Variants in ADAMTS12 observed in about 807,000 individuals in gnomAD.
ADAMTS12 encodes A disintegrin and metalloproteinase with thrombospondin motifs 12.
A neutral mutation model predicts 167.8 loss-of-function variants in ADAMTS12; 118 were observed. The ratio of observed to expected loss-of-function variants is 0.70; its 90% confidence interval spans 0.61 to 0.82. The LOEUF is 0.82. Ranked by LOEUF, ADAMTS12 falls within the 40% of genes least tolerant of loss-of-function variation. The pLI is 0.00. For synonymous variants in ADAMTS12, 704 were observed against 716.9 expected, an observed-to-expected ratio of 0.98 and a Z score of 0.29; for missense variants, 1,916 against 1,998.8, an observed-to-expected ratio of 0.96 and a Z score of 0.79.
chr5:33,730,120 A>G (rs1382659886), intron 3 of ADAMTS12, among the ~76,000 whole-genome samples: 3 of 152,162 alleles, frequency 2.0e-5, no homozygotes, highest in African/African-American at 7.2e-5. Flanking sequence ...TAGAAAGGAG[A>G]CCCACATTGT....
At chr5:33,547,029 A>G (rs1012132001) in intron 21 of ADAMTS12, among the ~76,000 whole-genome samples, 3 of 152,198 alleles carry the variant, frequency 2.0e-5, no homozygotes, top group African/African-American at 4.8e-5. Flanking sequence ...TCTGCTCAAT[A>G]AAAGAACTAA....
rs1020821121 is a variant in ADAMTS12 at position 33,684,703 on chromosome 5, T to A, written c.635-648A>T. ...AAGGCACAAAAAGAGGTGGAAAAGA[T>A]CCAAAGGACAGCAAAACTATCAAGG... On this transcript the variant is annotated intron_variant, in intron 3 of 23. Transcript: ENST00000504830. 2.5e-4 allele frequency among the ~76,000 whole-genome samples: 38 copies of A among 152,212 alleles called. 1 individual carries two copies. The highest frequency in any genetic ancestry group is 8.9e-4 in the African/African-American group (37 of 41,534).
chr5:33,701,083 T>G (rs1742984070), intron 3 of ADAMTS12, among the ~76,000 whole-genome samples: 1 of 152,010 alleles, frequency 6.6e-6, no homozygotes, highest in Non-Finnish European at 1.5e-5. Context: ...AAAGAGGAAG[T>G]GTCCATGACA....
intron 1 of ADAMTS12, among the ~76,000 whole-genome samples, chr5:33,885,708 C>A (rs1750611089): frequency 6.6e-6 from 1 of 152,188 alleles, no homozygotes; most frequent in South Asian, 2.1e-4. Context: ...TGGCTGCATC[C>A]TGAGGGAAGA....
chr5:33,613,991 G>T (rs1738859675), intron 16 of ADAMTS12, among the ~76,000 whole-genome samples: 2 of 152,162 alleles, frequency 1.3e-5, no homozygotes, highest in African/African-American at 2.4e-5. Context: ...TCAAACAAAG[G>T]TTTTACTGAA....
intron 14 of ADAMTS12, among the ~76,000 whole-genome samples, chr5:33,620,919 C>G (rs1739291645): frequency 6.6e-6 from 1 of 152,166 alleles, no homozygotes; most frequent in Non-Finnish European, 1.5e-5. Context: ...ATTCAAGGGT[C>G]AACTGTATTA....
chr5:33,621,559 C>A (rs1739333370), intron 14 of ADAMTS12, among the ~76,000 whole-genome samples: 1 of 152,186 alleles, frequency 6.6e-6, no homozygotes, highest in African/African-American at 2.4e-5. Context: ...ACTTTACTCA[C>A]TGGCATATTT....
chr5:33,772,535 T>A (rs1192812456), intron 2 of ADAMTS12, among the ~76,000 whole-genome samples: 1 of 152,188 alleles, frequency 6.6e-6, no homozygotes, highest in East Asian at 1.9e-4. Context: ...GCAAAAATAA[T>A]TCCAGAATTA....
At chr5:33,830,674 C>T (rs1017718059) in intron 2 of ADAMTS12, among the ~76,000 whole-genome samples, 2 of 152,170 alleles carry the variant, frequency 1.3e-5, no homozygotes, top group Admixed American at 1.3e-4. Context: ...CACCTGTAGT[C>T]TCAGCTACTT....
intron 6 of ADAMTS12, 40 bp downstream of exon 6, chr5:33,661,876 T>A (rs1353153582): frequency 6.2e-7 from 1 of 1,610,926 alleles, no homozygotes; most frequent in Non-Finnish European, 8.5e-7. Flanking sequence ...CATCCCTCCC[T>A]GCTTTACTGC....
At chr5:33,748,702 C>CT (rs900299498) in intron 3 of ADAMTS12, among the ~76,000 whole-genome samples, 1 of 152,108 alleles carries the variant, frequency 6.6e-6, no homozygotes, top group Non-Finnish European at 1.5e-5. Flanking sequence ...TAAAGGTGAT[C>CT]TTTTTTTCAT....
At chr5:33,581,091 C>T (rs1358646896) in intron 18 of ADAMTS12, among the ~76,000 whole-genome samples, 2 of 152,208 alleles carry the variant, frequency 1.3e-5, no homozygotes, top group Admixed American at 6.5e-5. Flanking sequence ...GCAGAACAGG[C>T]AGTGCTGCTT....
At chr5:33,539,657 C>T (rs72737392) in intron 22 of ADAMTS12, among the ~76,000 whole-genome samples, 12,397 of 152,158 alleles carry the variant, frequency 0.081, 635 homozygotes, top group Non-Finnish European at 0.11. Context: ...CAGAAGAACA[C>T]GAAAACCGAA....
intron 3 of ADAMTS12, among the ~76,000 whole-genome samples, chr5:33,717,857 T>A (rs1438787587): frequency 6.6e-6 from 1 of 152,206 alleles, no homozygotes; most frequent in East Asian, 1.9e-4. Flanking sequence ...ATGTGAAGAA[T>A]TTGCAATAGT....
intron 17 of ADAMTS12, 66 bp downstream of exon 17, chr5:33,595,868 G>C (rs1470792146): frequency 1.3e-6 from 2 of 1,591,212 alleles, no homozygotes; most frequent in Non-Finnish European, 1.7e-6. Context: ...GCAAGCACTA[G>C]GTCACTCTTG....
chr5:33,578,245 G>C (rs535447818), intron 18 of ADAMTS12, among the ~76,000 whole-genome samples: 1 of 152,074 alleles, frequency 6.6e-6, no homozygotes, highest in African/African-American at 2.4e-5. Context: ...GATTTCAAAG[G>C]GCTGCGCAAA....
intron 16 of ADAMTS12, among the ~76,000 whole-genome samples, chr5:33,598,847 T>C (rs1738042952): frequency 6.6e-6 from 1 of 152,192 alleles, no homozygotes; most frequent in Non-Finnish European, 1.5e-5. Flanking sequence ...AGTCTAATTC[T>C]CCTGGCCTTG....
chr5:33,857,291 G>A (rs573671839), intron 2 of ADAMTS12, among the ~76,000 whole-genome samples: 39 of 152,122 alleles, frequency 2.6e-4, no homozygotes, highest in Non-Finnish European at 4.6e-4. Flanking sequence ...TTGCACAAAG[G>A]GTACAGAGTT....
chr5:33,679,139 C>T (rs112010180), intron 5 of ADAMTS12, among the ~76,000 whole-genome samples: 2 of 152,184 alleles, frequency 1.3e-5, no homozygotes, highest in Non-Finnish European at 2.9e-5. Flanking sequence ...CACTTTGTTT[C>T]GTTTGTATCA....
Sources: allele counts gnomAD v4.1 joint callset (sites outside exome capture counted in the v4.1 genomes callset), GRCh38; gene constraint gnomAD v4.1.1; transcripts MANE v1.5; gene names NCBI Gene and HGNC (gene_info 2026-07-23, HGNC 2026-07-21).